The following BLK variants were observed in gnomAD, a reference collection of about 807,000 sequenced individuals.
BLK encodes the protein tyrosine-protein kinase Blk.
A neutral mutation model predicts 61.8 loss-of-function variants in BLK; 64 were observed. That is an observed-to-expected ratio of 1.03 (90% CI 0.85 to 1.27). BLK has a LOEUF of 1.27. BLK is among the 50% of genes most tolerant of loss of function. BLK has a pLI of 0.00. For synonymous variants in BLK, 351 were observed against 272.0 expected, an observed-to-expected ratio of 1.29 and a Z score of -2.86; for missense variants, 853 against 660.5, an observed-to-expected ratio of 1.29 and a Z score of -3.19.
chr8:11,513,158 G>T (rs1799085848), intron 1 of BLK, among the ~76,000 whole-genome samples: 1 of 152,082 alleles, frequency 6.6e-6, no homozygotes, highest in Non-Finnish European at 1.5e-5. Context: ...TTGGTCTCTG[G>T]CCTTGAGCCT....
chr8:11,537,179 T>G (rs1199902694), intron 1 of BLK, among the ~76,000 whole-genome samples: 1 of 152,226 alleles, frequency 6.6e-6, no homozygotes, highest in Non-Finnish European at 1.5e-5. Context: ...ACTCAAATTC[T>G]TTGGCCCCTT....
Position 11,501,389 on chromosome 8 carries a change from G to A in BLK, c.-2+6798G>A, listed in dbSNP as rs28535691. 9.3e-3 allele frequency among the ~76,000 whole-genome samples: 1,400 copies of A among 149,842 alleles called. 9 individuals carry two copies. The highest frequency in any genetic ancestry group is 0.045 in the Middle Eastern group (13 of 286). On this transcript the variant is annotated intron_variant, in intron 1 of 12. Transcript: ENST00000259089. ...TTTTTTAACACATTAGCATGGAAAG[G>A]AATCATTTCTACTTTGTGGTGTCTG...
In BLK at chr8:11,563,951, T is replaced by A. The variant is rs759125582; in HGVS notation, c.1361T>A (p.Met454Lys). 6.2e-7 allele frequency: 1 copy of A among 1,607,382 alleles called. No individual in the cohort carries two copies. The highest frequency in any genetic ancestry group is 8.5e-7 in the Non-Finnish European group (1 of 1,179,338). The change falls in exon 13 of 13, where the codon ATG becomes AAG. Residue 454 changes from methionine to lysine, a missense_variant. By Grantham distance (95) the Met-to-Lys change is moderately conservative. Transcript: ENST00000259089. ...CGCAACCTGGAGCGCGGCTACCGCA[T>A]GCCGCGCCCCGACACCTGCCCGCCC... ...VIRNLERGYR[M>K]PRPDTCPPEL...
chr8:11,555,382 G>GC lies in BLK; in HGVS notation c.674dup (p.Gln226AlafsTer8). The GC allele has an allele frequency of 1.2e-6, 2 of 1,614,148 alleles. No homozygotes were observed. Among genetic ancestry groups the GC allele is most frequent in the Non-Finnish European group, 1.7e-6 (2 of 1,180,020 alleles). ...GCTGACCCTGCCCTGTGTGCGCCCG[G>GC]CCCCGCAGAATCCCTGGGCCCAGGA... On this transcript the variant is annotated frameshift_variant, in exon 8 of 13. Transcript: ENST00000259089. LOFTEE classifies it high-confidence loss of function.
intron 1 of BLK, among the ~76,000 whole-genome samples, chr8:11,531,164 T>C (rs1483786087): frequency 6.6e-6 from 1 of 152,248 alleles, no homozygotes; most frequent in African/African-American, 2.4e-5. Flanking sequence ...GTTTGTTAAA[T>C]TGAATTTTTG....
intron 2 of BLK, 21 bp from the exon 3 acceptor site, chr8:11,546,031 A>G (rs1429485494): frequency 6.2e-7 from 1 of 1,613,640 alleles, no homozygotes; most frequent in Admixed American, 1.7e-5. Flanking sequence ...AAATAACTCA[A>G]GTGTGTGTTT....
intron 1 of BLK, among the ~76,000 whole-genome samples, chr8:11,523,255 A>C (rs1002562041): frequency 6.6e-6 from 1 of 152,212 alleles, no homozygotes; most frequent in Non-Finnish European, 1.5e-5. Context: ...GTAATACATA[A>C]TACAAACACA....
chr8:11,547,996 C>T (rs368695092), intron 3 of BLK, 36 bp from the exon 4 acceptor site: 118 of 1,568,816 alleles, frequency 7.5e-5, no homozygotes, highest in Non-Finnish European at 9.8e-5. Flanking sequence ...CGCTTGTGGG[C>T]CTGAGTGGTG....
At chr8:11,550,793 CAG>C (rs1224592889) in intron 6 of BLK, among the ~76,000 whole-genome samples, 1 of 152,252 alleles carries the variant, frequency 6.6e-6, no homozygotes, top group African/African-American at 2.4e-5. Context: ...CCATCACCCT[CAG>C]GGGTTTTCTC....
At chr8:11,547,441 C>G (rs1053467523) in intron 3 of BLK, among the ~76,000 whole-genome samples, 1 of 152,206 alleles carries the variant, frequency 6.6e-6, no homozygotes, top group African/African-American at 2.4e-5. Context: ...GAAGATGGTG[C>G]TCCAAGCTCC....
intron 1 of BLK, among the ~76,000 whole-genome samples, chr8:11,529,083 C>T (rs932214572): frequency 4.6e-5 from 7 of 152,050 alleles, no homozygotes; most frequent in South Asian, 4.2e-4. Flanking sequence ...ATTCTGCACA[C>T]GTACCCCATA....
intron 8 of BLK, 54 bp downstream of exon 8, chr8:11,555,538 T>C (rs1445413328): frequency 1.2e-6 from 2 of 1,611,976 alleles, no homozygotes. Flanking sequence ...CTGCGCCGCA[T>C]CCTGAGTCCA....
At chr8:11,494,802 G>C (rs1798305211) in intron 1 of BLK, among the ~76,000 whole-genome samples, 1 of 152,214 alleles carries the variant, frequency 6.6e-6, no homozygotes, top group Non-Finnish European at 1.5e-5. Context: ...TTTATAAAAG[G>C]TCATCCATCC....
chr8:11,524,569 G>A (rs922034529), intron 1 of BLK, among the ~76,000 whole-genome samples: 3 of 152,126 alleles, frequency 2.0e-5, no homozygotes, highest in Non-Finnish European at 2.9e-5. Flanking sequence ...AAAATATATC[G>A]GAAGACTTAG....
intron 10 of BLK, chr8:11,559,124 G>T: frequency 2.5e-6 from 1 of 394,312 alleles, no homozygotes; most frequent in South Asian, 1.8e-5. Context: ...ACACCCCCTT[G>T]GGAAATCTCG....
chr8:11,499,386 T>C (rs559816350), intron 1 of BLK, among the ~76,000 whole-genome samples: 109 of 152,206 alleles, frequency 7.2e-4, no homozygotes, highest in Non-Finnish European at 1.1e-3. Flanking sequence ...AGTGAAGCAA[T>C]ACGTAACTAT....
chr8:11,562,841 C>T, intron 11 of BLK, 138 bp from the exon 12 acceptor site: 2 of 1,173,648 alleles, frequency 1.7e-6, no homozygotes, highest in Non-Finnish European at 1.2e-6. Flanking sequence ...GCTCCCCCGC[C>T]ATGCCTGGCC....
At chr8:11,532,166 T>G (rs115752963) in intron 1 of BLK, among the ~76,000 whole-genome samples, 2,329 of 113,400 alleles carry the variant, frequency 0.021, 55 homozygotes, top group African/African-American at 0.068. Context: ...GTCATGTTTT[T>G]TTTTCCTTTT....
At chr8:11,545,634 A>C (rs1055310023) in intron 2 of BLK, 3 of 257,750 alleles carry the variant, frequency 1.2e-5, no homozygotes, top group Admixed American at 4.6e-5. Flanking sequence ...CATACACAGA[A>C]GTTTCTCTAC....
Sources: gnomAD v4.1 joint callset for allele counts (sites outside exome capture counted in the v4.1 genomes callset) on GRCh38, gnomAD v4.1.1 for gene constraint, MANE v1.5 for transcripts, NCBI Gene and HGNC (gene_info 2026-07-23, HGNC 2026-07-21) for gene names.